CLPB: variants seen among roughly 807,000 people sequenced by gnomAD.
CLPB encodes ClpB family mitochondrial disaggregase, also known as mitochondrial disaggregase.
CLPB carries 40 observed loss-of-function variants against 78.4 expected under a neutral mutation model. That is an observed-to-expected ratio of 0.51 (90% CI 0.40 to 0.66). CLPB has a LOEUF of 0.66. CLPB is among the 30% of genes least tolerant of loss of function. The pLI, the probability that CLPB is intolerant of heterozygous loss-of-function variation, is 0.00. For synonymous variants in CLPB, 333 were observed against 348.0 expected, an observed-to-expected ratio of 0.96 and a Z score of 0.48; for missense variants, 780 against 886.9, an observed-to-expected ratio of 0.88 and a Z score of 1.53.
At chr11:72,344,286 G>A (rs1950472704) in intron 5 of CLPB, among the ~76,000 whole-genome samples, 1 of 151,974 alleles carries the variant, frequency 6.6e-6, no homozygotes, top group South Asian at 2.1e-4. Flanking sequence ...TCAGCTTATT[G>A]CAACCTCCAC....
chr11:72,297,522 A>G (rs1005849852), intron 11 of CLPB, among the ~76,000 whole-genome samples: 1 of 152,194 alleles, frequency 6.6e-6, no homozygotes, highest in African/African-American at 2.4e-5. Context: ...AAAGGGAAGC[A>G]AGGGTGCAAG....
At chr11:72,390,717 T>C (rs1432295602) in intron 3 of CLPB, among the ~76,000 whole-genome samples, 3 of 152,230 alleles carry the variant, frequency 2.0e-5, no homozygotes, top group African/African-American at 7.2e-5. Context: ...CATGCACTGT[T>C]AGGGTATAGA....
At chr11:72,433,867 C>T (rs895858852) in intron 1 of CLPB, among the ~76,000 whole-genome samples, 4 of 152,106 alleles carry the variant, frequency 2.6e-5, no homozygotes, top group African/African-American at 7.2e-5. Context: ...AGAGGGGAAG[C>T]GGATCTATGG....
chr11:72,301,329 T>G (rs79345250), intron 11 of CLPB, among the ~76,000 whole-genome samples: 1 of 152,106 alleles, frequency 6.6e-6, no homozygotes, highest in East Asian at 1.9e-4. Flanking sequence ...ATATTAGCAT[T>G]TTAAAGAACT....
At chr11:72,343,731 G>C (rs1233051609) in intron 5 of CLPB, among the ~76,000 whole-genome samples, 1 of 152,128 alleles carries the variant, frequency 6.6e-6, no homozygotes, top group Non-Finnish European at 1.5e-5. Context: ...CATTAATTCT[G>C]AGGATTTCAC....
At chr11:72,430,393 C>T (rs768882783) in intron 1 of CLPB, 30 bp from the exon 2 acceptor site, 4 of 1,608,288 alleles carry the variant, frequency 2.5e-6, no homozygotes, top group Middle Eastern at 1.7e-4. Context: ...TGGTCAGATC[C>T]GCGGCCAGGA....
At chr11:72,406,582 A>G (rs553112987) in intron 2 of CLPB, among the ~76,000 whole-genome samples, 95 of 152,306 alleles carry the variant, frequency 6.2e-4, no homozygotes, top group African/African-American at 2.3e-3. Flanking sequence ...CTACTATCCT[A>G]TCTCACTTCC....
chr11:72,350,888 A>C (rs567327526), intron 5 of CLPB, among the ~76,000 whole-genome samples: 1 of 152,346 alleles, frequency 6.6e-6, no homozygotes, highest in African/African-American at 2.4e-5. Flanking sequence ...TACACAATTT[A>C]GAGGAGGTTT....
chr11:72,349,396 G>A (rs1950572571), intron 5 of CLPB, among the ~76,000 whole-genome samples: 1 of 152,208 alleles, frequency 6.6e-6, no homozygotes, highest in South Asian at 2.1e-4. Context: ...AGTTCAGGAA[G>A]GAGTCTGTGG....
intron 6 of CLPB, among the ~76,000 whole-genome samples, chr11:72,326,702 C>T (rs139547638): frequency 7.2e-4 from 109 of 152,160 alleles, no homozygotes; most frequent in African/African-American, 2.6e-3. Flanking sequence ...AGCCTCCAGG[C>T]CTGAGTCATT....
At chr11:72,371,533 AAAAATAAAATAAAAT>A (rs5792587) in intron 4 of CLPB, among the ~76,000 whole-genome samples, 2,662 of 126,200 alleles carry the variant, frequency 0.021, 58 homozygotes, top group African/African-American at 0.043. Flanking sequence ...ACTCTGTCTC[AAAAATAAAATAAAAT>A]AAAATAAAAT....
chr11:72,340,423 AAT>A (rs1950399685), intron 5 of CLPB, among the ~76,000 whole-genome samples: 1 of 152,202 alleles, frequency 6.6e-6, no homozygotes, highest in South Asian at 2.1e-4. Flanking sequence ...TTCTCTTGTA[AAT>A]ATGAGCCAGG....
intron 5 of CLPB, among the ~76,000 whole-genome samples, chr11:72,338,217 T>C (rs2135565447): frequency 6.6e-6 from 1 of 152,220 alleles, no homozygotes; most frequent in South Asian, 2.1e-4. Flanking sequence ...ATGAAGATGA[T>C]GATTCTTCCC....
At chr11:72,404,207 C>G (rs1269017298) in intron 2 of CLPB, among the ~76,000 whole-genome samples, 1 of 152,142 alleles carries the variant, frequency 6.6e-6, no homozygotes, top group African/African-American at 2.4e-5. Flanking sequence ...TGGTCCCCTG[C>G]TAGATTCTGG....
At chr11:72,342,388 T>A (rs1422785226) in intron 5 of CLPB, among the ~76,000 whole-genome samples, 1 of 152,180 alleles carries the variant, frequency 6.6e-6, no homozygotes, top group African/African-American at 2.4e-5. Context: ...ACGTAGAGGT[T>A]TTCTAACGGT....
intron 14 of CLPB, 38 bp downstream of exon 14, chr11:72,294,287 G>C (rs1176095344): frequency 1.2e-6 from 2 of 1,614,076 alleles, no homozygotes; most frequent in Non-Finnish European, 8.5e-7. Context: ...TCCAGTGGCT[G>C]GCTATCCCGC....
chr11:72,383,443 A>G (rs1854978959), intron 3 of CLPB, among the ~76,000 whole-genome samples: 1 of 151,486 alleles, frequency 6.6e-6, no homozygotes, highest in Non-Finnish European at 1.5e-5. Context: ...AGGCAGGAGA[A>G]TGGCGTGAAC....
intron 2 of CLPB, among the ~76,000 whole-genome samples, chr11:72,404,305 G>A (rs1204417831): frequency 6.6e-6 from 1 of 152,192 alleles, no homozygotes; most frequent in African/African-American, 2.4e-5. Context: ...AAGCTAGGAG[G>A]CTGTTTTTCA....
Position 72,295,552 on chromosome 11 carries a change from C to T in CLPB, c.1426G>A (p.Ala476Thr). ...AAAGCTTCCTGCCTCAGCTGCAGCG[C>T]GTGCTGTGCGATCTCGTCGCTGGCC... ...NVASDEIAQHALQLRQEALEM... is the reference protein window; with the variant it reads ...NVASDEIAQHTLQLRQEALEM... Residue 476 changes from alanine to threonine, a missense_variant, in exon 12 of 16, where the codon GCG becomes ACG. Ala to Thr is a moderately conservative substitution (Grantham distance 58). Transcript: ENST00000538039. The T allele has an allele frequency of 6.2e-7, 1 of 1,614,204 alleles. No individual in the cohort carries two copies. Among genetic ancestry groups the T allele is most frequent in the Non-Finnish European group, 8.5e-7 (1 of 1,180,038 alleles).
Sources: allele counts gnomAD v4.1 joint callset (sites outside exome capture counted in the v4.1 genomes callset), GRCh38; gene constraint gnomAD v4.1.1; transcripts MANE v1.5; gene names NCBI Gene and HGNC (gene_info 2026-07-23, HGNC 2026-07-21).